The following DLG2 variants were observed in gnomAD, a reference collection of about 807,000 sequenced individuals.
DLG2 encodes the protein discs large MAGUK scaffold protein 2, also known as disks large homolog 2.
Under a neutral mutation model 132.5 loss-of-function variants are expected in DLG2, and 45 were observed. That is an observed-to-expected ratio of 0.34 (90% confidence interval 0.27 to 0.44). The LOEUF is 0.44. Among genes scored for constraint, DLG2 ranks in the 20% least tolerant of loss-of-function variants. The pLI, the probability that DLG2 is intolerant of heterozygous loss-of-function variation, is 1.00. For synonymous variants in DLG2, 424 were observed against 419.6 expected, an observed-to-expected ratio of 1.01 and a Z score of -0.13; for missense variants, 1,045 against 1,196.9, an observed-to-expected ratio of 0.87 and a Z score of 1.87.
chr11:85,442,253 G>T (rs1236932975), intron 3 of DLG2, among the ~76,000 whole-genome samples: 3 of 152,096 alleles, frequency 2.0e-5, no homozygotes, highest in African/African-American at 7.2e-5. Flanking sequence ...TGACTGCTGT[G>T]GTAAAAATGG....
intron 12 of DLG2, among the ~76,000 whole-genome samples, chr11:83,976,195 G>T (rs530551708): frequency 2.0e-5 from 3 of 151,820 alleles, no homozygotes; most frequent in Non-Finnish European, 4.4e-5. Flanking sequence ...CTCAGTAGAG[G>T]GCAGTTGCTA....
intron 18 of DLG2, among the ~76,000 whole-genome samples, chr11:83,719,017 C>G (rs1168533896): frequency 6.6e-6 from 1 of 152,168 alleles, no homozygotes; most frequent in African/African-American, 2.4e-5. Context: ...TTTTTAAATG[C>G]AGGTGCCTCA....
chr11:85,482,391 C>T (rs1464389491), intron 3 of DLG2, among the ~76,000 whole-genome samples: 2 of 152,212 alleles, frequency 1.3e-5, no homozygotes, highest in African/African-American at 4.8e-5. Flanking sequence ...GGCCAGTCCC[C>T]ATGGTCCCAT....
chr11:83,674,968 T>C (rs1406982389), intron 18 of DLG2, among the ~76,000 whole-genome samples: 5 of 152,216 alleles, frequency 3.3e-5, no homozygotes, highest in Non-Finnish European at 7.3e-5. Flanking sequence ...TGTTTTATCA[T>C]TGCATTTGGA....
intron 18 of DLG2, among the ~76,000 whole-genome samples, chr11:83,747,366 GTCTC>G (rs112374522): frequency 4.6e-5 from 6 of 131,422 alleles, no homozygotes; most frequent in East Asian, 2.2e-4. Flanking sequence ...CTTCCTTCCT[GTCTC>G]TCTCTCTCTC....
chr11:84,289,402 A>T (rs1201224054), intron 7 of DLG2, among the ~76,000 whole-genome samples: 1 of 152,066 alleles, frequency 6.6e-6, no homozygotes, highest in East Asian at 1.9e-4. Context: ...GAAAAATTTC[A>T]TTGTAGCACT....
chr11:84,078,087 T>C (rs888556853), intron 10 of DLG2, among the ~76,000 whole-genome samples: 3 of 152,162 alleles, frequency 2.0e-5, no homozygotes, highest in East Asian at 3.8e-4. Context: ...ACAATAAAGA[T>C]GAAATTGTAT....
chr11:83,546,084 C>T (rs2096235074), intron 19 of DLG2, among the ~76,000 whole-genome samples: 1 of 152,126 alleles, frequency 6.6e-6, no homozygotes, highest in South Asian at 2.1e-4. Context: ...CCCATCCCTC[C>T]TACCCCTCCT....
chr11:84,424,875 T>C (rs750024927), intron 7 of DLG2, among the ~76,000 whole-genome samples: 42 of 152,016 alleles, frequency 2.8e-4, no homozygotes, highest in Non-Finnish European at 5.0e-4. Context: ...ATCACAGAGC[T>C]CAAGAATGTT....
intron 7 of DLG2, among the ~76,000 whole-genome samples, chr11:84,499,858 T>C (rs1033850184): frequency 4.6e-5 from 7 of 152,168 alleles, no homozygotes; most frequent in African/African-American, 1.4e-4. Context: ...GGTAAGATTG[T>C]AGACACTAGA....
In DLG2 at chr11:83,825,171, A is replaced by T. The variant is rs928439211; in HGVS notation, c.1722+8443T>A. Among the ~76,000 whole-genome samples, 585 of 72,594 alleles carry T rather than the reference A, an allele frequency of 8.1e-3. 12 individuals are homozygous for T. The highest frequency in any genetic ancestry group is 0.011 in the Non-Finnish European group (444 of 38,774). 47.6% of individuals were successfully genotyped at this position (72,594 alleles called of 152,430 possible). A position where few individuals can be genotyped will look rare whatever the true frequency, so the allele number is the denominator to read the frequency against. ...CACACACATATATATATATATATAT[A>T]TTTTTTTTTTTTTTTTTTTTTTTTT... is the stretch of plus-strand genomic sequence containing the variant. On this transcript the variant is annotated intron_variant, in intron 17 of 27. Coordinates refer to ENST00000376104, the MANE Select transcript of DLG2 (RefSeq NM_001142699.3).
intron 9 of DLG2, among the ~76,000 whole-genome samples, chr11:84,116,475 G>T (rs1336553986): frequency 6.6e-6 from 1 of 152,164 alleles, no homozygotes; most frequent in Non-Finnish European, 1.5e-5. Context: ...ATGGTGGAAG[G>T]TGAAGGTCTT....
intron 7 of DLG2, among the ~76,000 whole-genome samples, chr11:84,426,084 T>C (rs553914921): frequency 6.6e-6 from 1 of 152,218 alleles, no homozygotes; most frequent in South Asian, 2.1e-4. Context: ...ATATAACCAA[T>C]AATACTTTTG....
intron 18 of DLG2, among the ~76,000 whole-genome samples, chr11:83,672,153 C>T (rs983792466): frequency 2.6e-5 from 4 of 151,224 alleles, no homozygotes; most frequent in Non-Finnish European, 1.5e-5. Context: ...CTTTCCTTTC[C>T]TTCCCTTCCT....
At chr11:84,574,294 A>G (rs2099493390) in intron 6 of DLG2, among the ~76,000 whole-genome samples, 1 of 152,124 alleles carries the variant, frequency 6.6e-6, no homozygotes, top group African/African-American at 2.4e-5. Flanking sequence ...ATAAGATATT[A>G]CAGGATGTTA....
At chr11:84,078,729 A>G (rs896635587) in intron 10 of DLG2, among the ~76,000 whole-genome samples, 2 of 152,168 alleles carry the variant, frequency 1.3e-5, no homozygotes, top group African/African-American at 4.8e-5. Context: ...AAAGTCTGAA[A>G]TATCTCAGGA....
chr11:84,032,611 C>T (rs79866030), intron 11 of DLG2, among the ~76,000 whole-genome samples: 2,507 of 152,180 alleles, frequency 0.016, 71 homozygotes, highest in African/African-American at 0.056. Context: ...GCAAGTTATC[C>T]AGAAGATCTA....
In DLG2 at chr11:83,758,255, T is replaced by G. The variant is rs75145163; in HGVS notation, c.1825+28435A>C. Reference sequence around the variant, plus strand: ...CCCATTCATTTCCACCAGGATCTAGTTCAGCCTTCTTGGTCCCTTTTCAGG... The same window carrying G: ...CCCATTCATTTCCACCAGGATCTAGGTCAGCCTTCTTGGTCCCTTTTCAGG... On this transcript the variant is annotated intron_variant, in intron 18 of 27. Coordinates refer to ENST00000376104, the MANE Select transcript of DLG2 (RefSeq NM_001142699.3). Among the ~76,000 whole-genome samples, 811 of 152,248 alleles carry G rather than the reference T, an allele frequency of 5.3e-3. 6 individuals carry two copies. Among genetic ancestry groups the G allele is most frequent in the African/African-American group, 0.018 (767 of 41,554 alleles).
intron 3 of DLG2, among the ~76,000 whole-genome samples, chr11:85,335,188 C>A (rs893058531): frequency 6.6e-6 from 1 of 150,788 alleles, no homozygotes; most frequent in African/African-American, 2.4e-5. Context: ...CCTCTTTGAT[C>A]AATATTAAAG....
Sources: gnomAD v4.1 joint callset for allele counts (sites outside exome capture counted in the v4.1 genomes callset) on GRCh38, gnomAD v4.1.1 for gene constraint, MANE v1.5 for transcripts, NCBI Gene and HGNC (gene_info 2026-07-23, HGNC 2026-07-21) for gene names.